Variants in UBE2R2 observed in about 807,000 individuals in gnomAD.
UBE2R2 encodes ubiquitin conjugating enzyme E2 R2, also known as ubiquitin-conjugating enzyme E2 R2.
A neutral mutation model predicts 27.8 loss-of-function variants in UBE2R2; 1 was observed. That is an observed-to-expected ratio of 0.04 (90% CI 0.01 to 0.17). UBE2R2 has a LOEUF of 0.17. Ranked by LOEUF, UBE2R2 falls within the 10% of genes least tolerant of loss-of-function variation. The probability of loss-of-function intolerance (pLI) is 1.00; values close to 1 mark genes in which losing one functional copy is unlikely to be tolerated. For missense variants in UBE2R2, 100 were observed against 291.0 expected, an observed-to-expected ratio of 0.34 and a Z score of 4.78; for synonymous variants, 106 against 113.3, an observed-to-expected ratio of 0.94 and a Z score of 0.41.
At chr9:33,824,008 C>T (rs367861576) in intron 1 of UBE2R2, among the ~76,000 whole-genome samples, 2 of 152,044 alleles carry the variant, frequency 1.3e-5, no homozygotes, top group South Asian at 2.1e-4. Flanking sequence ...ACTAAGGTAA[C>T]GTTATAAATG....
chr9:33,863,876 TG>T (rs1821303259), intron 1 of UBE2R2, among the ~76,000 whole-genome samples: 1 of 151,960 alleles, frequency 6.6e-6, no homozygotes, highest in Admixed American at 6.6e-5. Flanking sequence ...TTAGTAGAGA[TG>T]GGATTTCATC....
chr9:33,895,768 C>CTTTTTT (rs776870484), intron 2 of UBE2R2, among the ~76,000 whole-genome samples: 63 of 90,248 alleles, frequency 7.0e-4, no homozygotes, highest in East Asian at 2.3e-3. Flanking sequence ...CTCTCTCTCT[C>CTTTTTT]TTTTTTTTTT....
chr9:33,824,279 G>A (rs906588645), intron 1 of UBE2R2, among the ~76,000 whole-genome samples: 2 of 151,134 alleles, frequency 1.3e-5, no homozygotes, highest in African/African-American at 4.9e-5. Context: ...ATCACCTGAT[G>A]TCAGGAGTTC....
chr9:33,892,773 A>G (rs912002265), intron 2 of UBE2R2, among the ~76,000 whole-genome samples: 1 of 152,202 alleles, frequency 6.6e-6, no homozygotes, highest in Non-Finnish European at 1.5e-5. Flanking sequence ...ATTTGGCCAT[A>G]TATCAGAATC....
intron 2 of UBE2R2, among the ~76,000 whole-genome samples, chr9:33,893,887 C>T (rs573419873): frequency 6.8e-4 from 103 of 152,246 alleles, no homozygotes; most frequent in African/African-American, 2.4e-3. Context: ...CTGCCTTGGC[C>T]TCCCAAATGC....
intron 1 of UBE2R2, among the ~76,000 whole-genome samples, chr9:33,873,132 G>A (rs1187920867): frequency 7.2e-6 from 1 of 138,504 alleles, no homozygotes; most frequent in Non-Finnish European, 1.5e-5. Flanking sequence ...CAGAGATCAC[G>A]CCACTGCACT....
intron 1 of UBE2R2, among the ~76,000 whole-genome samples, chr9:33,874,328 C>T (rs1297108330): frequency 6.6e-6 from 1 of 151,890 alleles, no homozygotes; most frequent in African/African-American, 2.4e-5. Flanking sequence ...AGGCATAGAC[C>T]ATTGTATAGA....
At chr9:33,858,944 G>A (rs1395788315) in intron 1 of UBE2R2, among the ~76,000 whole-genome samples, 1 of 151,938 alleles carries the variant, frequency 6.6e-6, no homozygotes, top group African/African-American at 2.4e-5. Context: ...TCCTGCCTCA[G>A]CCTCCCAAGT....
chr9:33,824,915 A>G (rs1471860060), intron 1 of UBE2R2, among the ~76,000 whole-genome samples: 2 of 152,146 alleles, frequency 1.3e-5, no homozygotes, highest in Non-Finnish European at 2.9e-5. Context: ...TCTTTTGGTA[A>G]ATTTTTTTTT....
intron 1 of UBE2R2, among the ~76,000 whole-genome samples, chr9:33,871,593 C>T (rs982087745): frequency 6.6e-6 from 1 of 152,090 alleles, no homozygotes; most frequent in Non-Finnish European, 1.5e-5. Flanking sequence ...AGTACTTGTT[C>T]TTATGAGTTT....
intron 1 of UBE2R2, among the ~76,000 whole-genome samples, chr9:33,871,941 T>TGACC (rs1330125662): frequency 6.6e-6 from 1 of 152,118 alleles, no homozygotes; most frequent in Admixed American, 6.6e-5. Context: ...CTCCATTTCC[T>TGACC]GACCTCGTGA....
intron 1 of UBE2R2, among the ~76,000 whole-genome samples, chr9:33,846,070 G>T (rs957104290): frequency 1.3e-5 from 2 of 150,506 alleles, no homozygotes; most frequent in African/African-American, 4.9e-5. Context: ...AGCTTGCGGT[G>T]AGCCAAGATC....
At position 33,852,476 on chromosome 9, in the gene UBE2R2, TC is replaced by T. The variant is rs535472330; in HGVS notation, c.178-34403del. On this transcript the variant is annotated intron_variant, in intron 1 of 4. Coordinates refer to ENST00000263228, the MANE Select transcript of UBE2R2 (RefSeq NM_017811.4). ...AATGGGGACAAATCTGGCTAAGACT[TC>T]CACACATTGGCAGCAATTTCAGGTA... Among the ~76,000 whole-genome samples the T allele has an allele frequency of 3.8e-3, 574 of 152,242 alleles. 3 individuals are homozygous for T. Among genetic ancestry groups the T allele is most frequent in the Non-Finnish European group, 7.0e-3 (477 of 68,002 alleles).
intron 2 of UBE2R2, among the ~76,000 whole-genome samples, chr9:33,898,290 C>A (rs1174739708): frequency 6.6e-6 from 1 of 151,938 alleles, no homozygotes. Context: ...TCATACTGGC[C>A]AGGCTGGTCT....
rs1057268307 is a variant in UBE2R2, at chr9:33,917,750, T to G, written c.*513T>G. The G allele has an allele frequency of 6.1e-6, 1 of 163,100 alleles. No homozygotes were observed. Among genetic ancestry groups the G allele is most frequent in the Non-Finnish European group, 1.3e-5 (1 of 74,930 alleles). The allele number at this position is 163,100 out of a possible 1,614,324, so 10.1% of individuals were successfully genotyped here. Reference sequence around the variant, plus strand: ...GCCAAGGTTTAGCTGCTCATTTACATTAGTGTGTGTGCATTCGTTCAGCCC... The same window carrying G: ...GCCAAGGTTTAGCTGCTCATTTACAGTAGTGTGTGTGCATTCGTTCAGCCC... On this transcript the variant is annotated 3_prime_UTR_variant, in exon 5 of 5. Transcript: ENST00000263228.
intron 1 of UBE2R2, among the ~76,000 whole-genome samples, chr9:33,882,994 C>A (rs1477113663): frequency 6.6e-6 from 1 of 152,096 alleles, no homozygotes; most frequent in Non-Finnish European, 1.5e-5. Flanking sequence ...GAGGCTGAGG[C>A]AGGAGAATCG....
rs199878848 is a variant in UBE2R2, at chr9:33,817,940, C to G, written c.177+6C>G. 20 of 1,603,544 alleles carry G rather than the reference C, an allele frequency of 1.2e-5. No individual in the cohort carries two copies. Among genetic ancestry groups the G allele is most frequent in the Admixed American group, 1.7e-5 (1 of 59,016 alleles). ...ACGAAGGCGGCTACTTCAAGGTACC[C>G]TCACCCTCCTCCCGGACCCTGCTTC... On this transcript the variant is annotated splice_donor_region_variant and intron_variant, in intron 1 of 4. Coordinates refer to ENST00000263228, the MANE Select transcript of UBE2R2 (RefSeq NM_017811.4).
At chr9:33,886,767 A>G (rs1821868088) in intron 1 of UBE2R2, 114 bp from the exon 2 acceptor site, 1 of 827,150 alleles carries the variant, frequency 1.2e-6, no homozygotes, top group Non-Finnish European at 1.8e-6. Flanking sequence ...TTTAATCTCA[A>G]GAGTTTACTC....
chr9:33,839,750 C>T (rs1209845872), intron 1 of UBE2R2, among the ~76,000 whole-genome samples: 1 of 152,086 alleles, frequency 6.6e-6, no homozygotes, highest in Admixed American at 6.6e-5. Flanking sequence ...AATCCTAGCA[C>T]TTTGGGAGGC....
Sources: gnomAD v4.1 joint callset for allele counts (sites outside exome capture counted in the v4.1 genomes callset) on GRCh38, gnomAD v4.1.1 for gene constraint, MANE v1.5 for transcripts, NCBI Gene and HGNC (gene_info 2026-07-23, HGNC 2026-07-21) for gene names.